Variants in PCDHA11 observed in about 807,000 individuals in gnomAD.
PCDHA11 encodes protocadherin alpha-11.
A neutral mutation model predicts 70.3 loss-of-function variants in PCDHA11; 61 were observed. The ratio of observed to expected loss-of-function variants is 0.87; its 90% CI spans 0.71 to 1.07. The LOEUF (loss-of-function observed/expected upper bound fraction) is 1.07. Among genes scored for constraint, PCDHA11 ranks in the 50% least tolerant of loss-of-function variants. The probability of loss-of-function intolerance (pLI) is 0.00; values close to 1 mark genes in which losing one functional copy is unlikely to be tolerated. For missense variants in PCDHA11, 1,324 were observed against 1,237.5 expected, an observed-to-expected ratio of 1.07 and a Z score of -1.05; for synonymous variants, 633 against 555.1, an observed-to-expected ratio of 1.14 and a Z score of -1.97.
intron 1 of PCDHA11, chr5:140,967,436 C>T (rs781894469): frequency 6.2e-7 from 1 of 1,613,496 alleles, no homozygotes; most frequent in Non-Finnish European, 8.5e-7. Context: ...AGCCTTGCAC[C>T]ACCTGGTTCT....
At chr5:140,985,047 C>T (rs1417890181) in intron 3 of PCDHA11, among the ~76,000 whole-genome samples, 5 of 152,076 alleles carry the variant, frequency 3.3e-5, no homozygotes, top group African/African-American at 9.7e-5. Context: ...AAGTGATTCT[C>T]CTGCCTCAGC....
chr5:140,918,494 G>A (rs1252984580), intron 1 of PCDHA11, among the ~76,000 whole-genome samples: 2 of 152,098 alleles, frequency 1.3e-5, no homozygotes, highest in Non-Finnish European at 2.9e-5. Context: ...GCTTTGGATG[G>A]TACCAATCCT....
rs567366418 is a variant in PCDHA11 at position 140,912,439 on chromosome 5, G to T, written c.2391+40945G>T. 2.6e-5 allele frequency among the ~76,000 whole-genome samples: 4 copies of T among 151,104 alleles called. No individual in the cohort carries two copies. The East Asian group carries it at 7.8e-4, about 29-fold the overall frequency. On this transcript the variant is annotated intron_variant, in intron 1 of 3. Transcript: ENST00000398640. ...TGGTGTATAGCAGTGTTGCTGATTT[G>T]TGTGCATTGATTTTGTATCCTGGAA...
chr5:141,000,395 C>CTCTCTA (rs1213762225), intron 3 of PCDHA11, among the ~76,000 whole-genome samples: 5 of 53,980 alleles, frequency 9.3e-5, no homozygotes, highest in East Asian at 6.1e-4. Flanking sequence ...CTCTCTCTCT[C>CTCTCTA]TATATATATA....
At chr5:140,913,997 A>G (rs2076553878) in intron 1 of PCDHA11, among the ~76,000 whole-genome samples, 1 of 152,170 alleles carries the variant, frequency 6.6e-6, no homozygotes, top group Admixed American at 6.5e-5. Flanking sequence ...TGACTAGCAT[A>G]TGGTCTATCT....
intron 3 of PCDHA11, among the ~76,000 whole-genome samples, chr5:141,003,395 T>G (rs1217089473): frequency 6.6e-6 from 1 of 152,160 alleles, no homozygotes; most frequent in Non-Finnish European, 1.5e-5. Flanking sequence ...CACTGAAACC[T>G]CCGCCTCCCG....
intron 1 of PCDHA11, among the ~76,000 whole-genome samples, chr5:140,952,541 T>G (rs1554220493): frequency 6.6e-6 from 1 of 152,140 alleles, no homozygotes; most frequent in African/African-American, 2.4e-5. Flanking sequence ...CTGGACTTCT[T>G]TGTCCATTTC....
At chr5:140,948,136 T>C (rs2094216707) in intron 1 of PCDHA11, among the ~76,000 whole-genome samples, 1 of 151,776 alleles carries the variant, frequency 6.6e-6, no homozygotes, top group African/African-American at 2.4e-5. Flanking sequence ...ATTACACTAA[T>C]TGATTTTTGA....
At chr5:140,903,386 T>C (rs1053060392) in intron 1 of PCDHA11, among the ~76,000 whole-genome samples, 3 of 152,222 alleles carry the variant, frequency 2.0e-5, no homozygotes, top group Non-Finnish European at 4.4e-5. Context: ...TTGTGGTTAC[T>C]TCTAGAAACA....
intron 1 of PCDHA11, chr5:140,927,106 A>G: frequency 6.2e-7 from 1 of 1,613,678 alleles, no homozygotes; most frequent in Non-Finnish European, 8.5e-7. Context: ...GGATCTACCC[A>G]GCGGCAATTT....
intron 1 of PCDHA11, among the ~76,000 whole-genome samples, chr5:140,953,785 T>C (rs2094935669): frequency 6.6e-6 from 1 of 152,224 alleles, no homozygotes. Context: ...TTTATTTTTT[T>C]CTTCAACTTT....
At chr5:140,961,876 T>G (rs929753490) in intron 1 of PCDHA11, among the ~76,000 whole-genome samples, 1 of 151,746 alleles carries the variant, frequency 6.6e-6, no homozygotes, top group South Asian at 2.1e-4. Context: ...ATAATTGACT[T>G]ACTTACATCA....
intron 1 of PCDHA11, among the ~76,000 whole-genome samples, chr5:140,911,460 G>A (rs1346001317): frequency 1.3e-5 from 2 of 152,140 alleles, no homozygotes; most frequent in African/African-American, 4.8e-5. Context: ...TTTCTCTACA[G>A]GAGATAAGAC....
intron 1 of PCDHA11, chr5:140,875,308 A>G (rs757619394): frequency 2.7e-5 from 39 of 1,423,476 alleles, no homozygotes; most frequent in Non-Finnish European, 3.4e-5. Flanking sequence ...CTCCGCACCC[A>G]CATTCCAATC....
chr5:140,923,963 A>G (rs1172303229), intron 1 of PCDHA11, among the ~76,000 whole-genome samples: 1 of 152,188 alleles, frequency 6.6e-6, no homozygotes, highest in African/African-American at 2.4e-5. Context: ...CCTAATCTAT[A>G]CCCACACATA....
Position 140,924,728 on chromosome 5 carries a change from C to G in PCDHA11, c.2391+53234C>G, listed in dbSNP as rs191622894. Among the ~76,000 whole-genome samples, 1,223 of 151,892 alleles carry G rather than the reference C, an allele frequency of 8.1e-3. 6 individuals carry two copies. The highest frequency in any genetic ancestry group is 0.019 in the African/African-American group (789 of 41,420). ...TGTGCAACATGGCGAAACCTCACCT[C>G]TAATAAAAATACAAAAATTAACCGA... On this transcript the variant is annotated intron_variant, in intron 1 of 3. Transcript: ENST00000398640.
At chr5:140,913,282 AG>A (rs1231451737) in intron 1 of PCDHA11, among the ~76,000 whole-genome samples, 20 of 152,154 alleles carry the variant, frequency 1.3e-4, no homozygotes, top group African/African-American at 4.6e-4. Flanking sequence ...TGGTCTGTTT[AG>A]GTTTTAATTT....
intron 1 of PCDHA11, among the ~76,000 whole-genome samples, chr5:140,887,221 C>T (rs149306651): frequency 9.2e-5 from 14 of 151,858 alleles, no homozygotes; most frequent in Non-Finnish European, 1.3e-4. Flanking sequence ...CTCAGCCTCC[C>T]GAGTAGCTGA....
chr5:140,887,523 A>G (rs2061479096), intron 1 of PCDHA11, among the ~76,000 whole-genome samples: 1 of 152,078 alleles, frequency 6.6e-6, no homozygotes, highest in Non-Finnish European at 1.5e-5. Flanking sequence ...TTTATATATG[A>G]GTCTTCCTCT....
Sources: allele counts gnomAD v4.1 joint callset (sites outside exome capture counted in the v4.1 genomes callset), GRCh38; gene constraint gnomAD v4.1.1; transcripts MANE v1.5; gene names NCBI Gene and HGNC (gene_info 2026-07-23, HGNC 2026-07-21).